The following KMT2E variants were observed in gnomAD, a reference collection of about 807,000 sequenced individuals.
KMT2E encodes lysine methyltransferase 2E (inactive).
A neutral mutation model predicts 184.6 loss-of-function variants in KMT2E; 30 were observed. The observed-to-expected ratio is 0.16, with a 90% CI of 0.12 to 0.22. The LOEUF (loss-of-function observed/expected upper bound fraction) is 0.22. KMT2E is among the 10% of genes least tolerant of loss of function. KMT2E has a pLI of 1.00. For synonymous variants in KMT2E, 815 were observed against 776.5 expected (o/e 1.05, Z -0.82); for missense variants, 2,023 against 2,237.4 (o/e 0.90, Z 1.93).
chr7:105,037,331 T>C (rs1423241415), intron 1 of KMT2E, among the ~76,000 whole-genome samples: 2 of 152,144 alleles, frequency 1.3e-5, no homozygotes, highest in Admixed American at 1.3e-4. Context: ...GGGTATCATA[T>C]TAATCTTTAA....
chr7:105,044,596 ATC>A (rs1219201871), intron 3 of KMT2E, among the ~76,000 whole-genome samples: 3 of 152,152 alleles, frequency 2.0e-5, no homozygotes, highest in Non-Finnish European at 4.4e-5. Context: ...AGATTGGATT[ATC>A]TGCTCTATAA....
intron 3 of KMT2E, among the ~76,000 whole-genome samples, chr7:105,049,103 G>C (rs967898909): frequency 1.1e-4 from 17 of 152,150 alleles, no homozygotes; most frequent in African/African-American, 3.9e-4. Context: ...ATTAAGAAGA[G>C]ATGAGAGGAG....
At chr7:105,070,435 A>G (rs530252994) in intron 6 of KMT2E, among the ~76,000 whole-genome samples, 8 of 151,812 alleles carry the variant, frequency 5.3e-5, no homozygotes, top group African/African-American at 1.4e-4. Context: ...GTTTGAGACC[A>G]GCCTAGGCAA....
At chr7:105,090,337 C>A in intron 14 of KMT2E, 64 bp downstream of exon 14, 1 of 1,513,524 alleles carries the variant, frequency 6.6e-7, no homozygotes, top group Non-Finnish European at 8.9e-7. Flanking sequence ...ATATTTTATC[C>A]TCTTCTTTGT....
chr7:105,069,247 G>A, intron 6 of KMT2E, among the ~76,000 whole-genome samples: 1 of 152,180 alleles, frequency 6.6e-6, no homozygotes, highest in South Asian at 2.1e-4. Flanking sequence ...TAAAATACAT[G>A]AGTTTATACC....
intron 13 of KMT2E, chr7:105,089,259 C>T (rs959145913): frequency 2.4e-5 from 10 of 417,840 alleles, no homozygotes; most frequent in African/African-American, 1.9e-4. Flanking sequence ...AATGCAGTGG[C>T]ACAATCTTGG....
chr7:105,076,253 T>C (rs1584764499), intron 9 of KMT2E, among the ~76,000 whole-genome samples, 172 bp downstream of exon 9: 1 of 152,222 alleles, frequency 6.6e-6, no homozygotes, highest in East Asian at 1.9e-4. Flanking sequence ...ACTACTCTTG[T>C]AGTTAACACT....
intron 11 of KMT2E, 131 bp downstream of exon 11, chr7:105,077,564 T>C (rs1797583388): frequency 2.9e-6 from 2 of 680,614 alleles, no homozygotes; most frequent in Non-Finnish European, 5.0e-6. Context: ...AGCTGTAGTG[T>C]GGTTGAACAG....
rs1159120460 is a variant in KMT2E at position 105,110,772 on chromosome 7, C to A, written c.3972C>A (p.Asp1324Glu). Residue 1324 changes from aspartate to glutamate, a missense_variant and splice_region_variant, in exon 26 of 27, where the codon GAC (aspartate) becomes GAA (glutamate). Physicochemically the swap from Asp to Glu is conservative, Grantham distance 45 (BLOSUM62 2). This residue lies in a region of KMT2E where 1,108 missense variants were observed against 1,050.9 expected (regional missense o/e 1.05). Transcript: ENST00000311117. ...CTATAGGTTTCTTCTGCTTTATAGA[C>A]CCTGATCCTGAAAATCCAGAACCCA... ...PVPSFSELME[D>E]PDPENPEPTT... The A allele has an allele frequency of 2.5e-6, 4 of 1,612,742 alleles. No homozygotes were observed. The highest frequency in any genetic ancestry group is 1.3e-5 in the African/African-American group (1 of 74,998).
At chr7:105,087,115 C>T (rs1470265761) in intron 13 of KMT2E, among the ~76,000 whole-genome samples, 1 of 146,100 alleles carries the variant, frequency 6.8e-6, no homozygotes, top group East Asian at 2.0e-4. Flanking sequence ...AGCATATGTG[C>T]TATGTATGTG....
intron 3 of KMT2E, among the ~76,000 whole-genome samples, chr7:105,041,547 T>C (rs1795882261): frequency 6.6e-6 from 1 of 152,078 alleles, no homozygotes; most frequent in Non-Finnish European, 1.5e-5. Context: ...ATTACAGGCG[T>C]GTGTCACCAC....
At chr7:105,086,256 T>C (rs1434920071) in intron 13 of KMT2E, among the ~76,000 whole-genome samples, 1 of 152,164 alleles carries the variant, frequency 6.6e-6, no homozygotes, top group Admixed American at 6.5e-5. Context: ...GTCCTCTCCA[T>C]GGTAGGAACA....
At chr7:105,053,369 AT>A (rs1275768527) in intron 3 of KMT2E, among the ~76,000 whole-genome samples, 5 of 152,174 alleles carry the variant, frequency 3.3e-5, no homozygotes, top group African/African-American at 9.7e-5. Context: ...AAGTACTGGT[AT>A]TTTTTGAGTG....
chr7:105,090,006 C>T lies in KMT2E; in HGVS notation c.1359-3C>T. The stretch of plus-strand genomic sequence containing the variant: ...ATAAATATTTAACTGGTTATCTTTC[C>T]AGTAAGTACAAGGTGGACTGTGCAT... On this transcript the variant is annotated splice_polypyrimidine_tract_variant and splice_region_variant and intron_variant, in intron 13 of 26. Coordinates refer to ENST00000311117, the MANE Select transcript of KMT2E (RefSeq NM_182931.3). 1.9e-6 allele frequency: 3 copies of T among 1,591,494 alleles called. No homozygotes were observed. Among genetic ancestry groups the T allele is most frequent in the South Asian group, 1.2e-5 (1 of 84,594 alleles).
intron 1 of KMT2E, among the ~76,000 whole-genome samples, chr7:105,031,012 TTAGAAGGAGA>T (rs1322040302): frequency 5.9e-5 from 9 of 152,252 alleles, no homozygotes; most frequent in East Asian, 1.9e-4. Flanking sequence ...GAAAGCATAC[TTAGAAGGAGA>T]TAGAAGGAGA....
chr7:105,053,270 G>A lies in KMT2E; in HGVS notation c.72-8894G>A, dbSNP rs907470410. 3.3e-5 allele frequency among the ~76,000 whole-genome samples: 5 copies of A among 152,088 alleles called. No homozygotes were observed. The South Asian group carries it at 1.0e-3, about 32-fold the overall frequency. ...TATTATTAATATCTATGTTATCTAA[G>A]TGATTGTTTACTGACCATGATATAA... On this transcript the variant is annotated intron_variant, in intron 3 of 26. Coordinates refer to ENST00000311117, the MANE Select transcript of KMT2E (RefSeq NM_182931.3).
chr7:105,106,110 C>A, intron 19 of KMT2E, 107 bp downstream of exon 19: 1 of 1,116,574 alleles, frequency 9.0e-7, no homozygotes, highest in Non-Finnish European at 1.3e-6. Context: ...AGAAGAGAAG[C>A]ACATTGGTGT....
intron 1 of KMT2E, among the ~76,000 whole-genome samples, chr7:105,027,461 T>C (rs868097583): frequency 2.0e-5 from 3 of 152,176 alleles, no homozygotes; most frequent in Admixed American, 2.0e-4. Flanking sequence ...TTTTTGCCTG[T>C]ATTCTAAATT....
Position 105,020,816 on chromosome 7 carries a change from G to A in KMT2E, c.-189+6281G>A, listed in dbSNP as rs577285592. ...CGTTTGGCCTAAGATGAAGCCTAGT[G>A]TCAGTGGTTTTTAGTAAAAAGTGAG... On this transcript the variant is annotated intron_variant, in intron 1 of 26. Coordinates refer to ENST00000311117, the MANE Select transcript of KMT2E (RefSeq NM_182931.3). 3.9e-5 allele frequency among the ~76,000 whole-genome samples: 6 copies of A among 152,288 alleles called. No individual in the cohort carries two copies. In the South Asian group the frequency reaches 1.2e-3, roughly 32 times the overall value.
Sources: gnomAD v4.1 joint callset for allele counts (sites outside exome capture counted in the v4.1 genomes callset) on GRCh38, gnomAD v4.1.1 for gene constraint, gnomAD v4.1.1 regional missense constraint, MANE v1.5 for transcripts, NCBI Gene and HGNC (gene_info 2026-07-23, HGNC 2026-07-21) for gene names.